Variants in NRL observed in about 807,000 individuals in gnomAD.
The protein encoded by NRL is neural retina leucine zipper, also known as neural retina-specific leucine zipper protein.
Under a neutral mutation model 12.5 loss-of-function variants are expected in NRL, and 16 were observed. The observed-to-expected ratio is 1.28, with a 90% CI of 0.87 to 1.95. The LOEUF (loss-of-function observed/expected upper bound fraction) is 1.95, where lower values mean the gene tolerates loss of function less well. Among genes scored for constraint, NRL ranks in the 30% most tolerant of loss-of-function variants. The pLI is 0.00. For synonymous variants in NRL, 142 were observed against 150.9 expected (o/e 0.94, Z 0.43); for missense variants, 314 against 325.8 (o/e 0.96, Z 0.28).
At chr14:24,104,683 G>A (rs1394129913) in intron 1 of NRL, among the ~76,000 whole-genome samples, 1 of 151,238 alleles carries the variant, frequency 6.6e-6, no homozygotes, top group Non-Finnish European at 1.5e-5. Context: ...AAAAAACTGA[G>A]GGCCTCAGCA....
At chr14:24,098,322 G>A (rs767060186) in intron 1 of NRL, 2 of 1,614,056 alleles carry the variant, frequency 1.2e-6, no homozygotes, top group Non-Finnish European at 1.7e-6. Flanking sequence ...GGGCAGCTGG[G>A]CAACTGGATG....
Position 24,081,366 on chromosome 14 carries a change from G to A in NRL, c.584C>T (p.Ala195Val), listed in dbSNP as rs1481052280. The A allele has an allele frequency of 1.4e-6, 2 of 1,439,590 alleles. No individual in the cohort carries two copies. The highest frequency in any genetic ancestry group is 2.9e-5 in the South Asian group (2 of 68,830). The allele number at this position is 1,439,590 out of a possible 1,614,324, so 89.2% of individuals were successfully genotyped here. Residue 195 changes from alanine (A) to valine (V), a missense_variant, in exon 3 of 3, where the codon GCC becomes GTC. Coordinates refer to ENST00000561028, the MANE Select transcript of NRL (RefSeq NM_001354768.3). This position sits in a 1 kb window ranked among gnomAD's most constrained non-coding sequence, Gnocchi z 4.4. ...GGCCCGCAGCGCGTCCAGCTGGGCG[G>A]CCAGGCGGGCGCGCTCGGCCTCCAG... ...RGLEAERARL[A>V]AQLDALRAEV...
At chr14:24,103,742 T>C in intron 1 of NRL, 2 of 1,614,146 alleles carry the variant, frequency 1.2e-6, no homozygotes, top group Non-Finnish European at 1.7e-6. Context: ...GGGAGGACAG[T>C]GCCCGAGAGA....
chr14:24,099,051 G>GAGCC (rs1468405816), intron 1 of NRL: 10 of 1,598,760 alleles, frequency 6.3e-6, no homozygotes, highest in Non-Finnish European at 6.8e-6. Flanking sequence ...GTCCCCAGGG[G>GAGCC]AGCCAGTGAG....
chr14:24,114,735 T>C lies in NRL; in HGVS notation c.-41A>G. 1.0e-6 allele frequency: 1 copy of C among 986,026 alleles called. No individual in the cohort carries two copies. Among genetic ancestry groups the C allele is most frequent in the Non-Finnish European group, 1.2e-6 (1 of 830,008 alleles). 61.1% of individuals were successfully genotyped at this position (986,026 alleles called of 1,614,324 possible). A position where few individuals can be genotyped will look rare whatever the true frequency, so the allele number is the denominator to read the frequency against. ...TCTCCCGCCTACCTATCAATCATCG[T>C]GCTCCGCTGTCCAGTTGGCTGGCCA... On this transcript the variant is annotated 5_prime_UTR_variant, in exon 1 of 3. Transcript: ENST00000561028.
chr14:24,084,985 C>T (rs1005697406), intron 1 of NRL, among the ~76,000 whole-genome samples: 4 of 152,140 alleles, frequency 2.6e-5, no homozygotes, highest in African/African-American at 9.7e-5. Flanking sequence ...TCCCAGCACC[C>T]CCACCTTCCA....
At chr14:24,082,967 G>A in intron 1 of NRL, 92 bp from the exon 2 acceptor site, 1 of 1,288,142 alleles carries the variant, frequency 7.8e-7, no homozygotes, top group Non-Finnish European at 1.1e-6. Flanking sequence ...CAAGTGCCCT[G>A]GAGCAAGAGT....
At chr14:24,098,743 T>C in intron 1 of NRL, 1 of 1,358,226 alleles carries the variant, frequency 7.4e-7, no homozygotes, top group Non-Finnish European at 1.0e-6. Flanking sequence ...AAATCCCAAA[T>C]CCTACCTCTC....
chr14:24,110,283 AT>A, intron 1 of NRL: 1 of 322,524 alleles, frequency 3.1e-6, no homozygotes, highest in Non-Finnish European at 6.6e-6. Context: ...TTGTTTTTGT[AT>A]TTTTCGTAGA....
chr14:24,079,300 G>C lies in NRL; in HGVS notation c.*1936C>G, dbSNP rs1260560068. The stretch of plus-strand genomic sequence containing the variant: ...TAGTGGGTCTGAATTACAGCTCCAG[G>C]GCAGGCAAGGATAGACACAGGTGAA... On this transcript the variant is annotated 3_prime_UTR_variant, in exon 3 of 3. Coordinates refer to ENST00000561028, the MANE Select transcript of NRL (RefSeq NM_001354768.3). Among the ~76,000 whole-genome samples the C allele has an allele frequency of 6.6e-6, 1 of 152,192 alleles. No individual in the cohort carries two copies. The highest frequency in any genetic ancestry group is 2.4e-5 in the African/African-American group (1 of 41,446).
Position 24,094,587 on chromosome 14 carries a change from C to T in NRL, c.-27-11712G>A, listed in dbSNP as rs1265970571. On this transcript the variant is annotated intron_variant, in intron 1 of 2. Transcript: ENST00000561028. The surrounding 1 kb of genome is among the most constrained non-coding windows in gnomAD (Gnocchi z 4.1). The stretch of plus-strand genomic sequence containing the variant: ...CGACTGCTGTGGGTCCAGCCTCCCG[C>T]GCCGCGCGTCTCTTGGGAGGGCAGC... 2 of 1,451,276 alleles carry T rather than the reference C, an allele frequency of 1.4e-6. No homozygotes were observed. The highest frequency in any genetic ancestry group is 1.8e-6 in the Non-Finnish European group (2 of 1,105,382). 89.9% of individuals were successfully genotyped at this position (1,451,276 alleles called of 1,614,324 possible). A position where few individuals can be genotyped will look rare whatever the true frequency, so the allele number is the denominator to read the frequency against.
chr14:24,108,736 TTACTTAG>T, intron 1 of NRL, among the ~76,000 whole-genome samples: 1 of 152,274 alleles, frequency 6.6e-6, no homozygotes, highest in South Asian at 2.1e-4. Flanking sequence ...CATCCCATAG[TTACTTAG>T]TGGCTTTCTA....
chr14:24,100,518 G>T, intron 1 of NRL: 1 of 875,958 alleles, frequency 1.1e-6, no homozygotes. Flanking sequence ...TGCATAAAAA[G>T]GGTTTATCAC....
At chr14:24,102,826 A>G in intron 1 of NRL, 2 of 1,614,096 alleles carry the variant, frequency 1.2e-6, no homozygotes, top group Non-Finnish European at 1.7e-6. Flanking sequence ...TCATGGACCC[A>G]GCCTGGGAGG....
chr14:24,082,930 T>G, intron 1 of NRL, 55 bp from the exon 2 acceptor site: 1 of 1,508,222 alleles, frequency 6.6e-7, no homozygotes, highest in Non-Finnish European at 8.9e-7. Context: ...CATCCCCTCT[T>G]CACCAAGTCC....
chr14:24,095,718 G>A (rs1034323294), intron 1 of NRL, among the ~76,000 whole-genome samples: 3 of 152,128 alleles, frequency 2.0e-5, no homozygotes, highest in Non-Finnish European at 1.5e-5. Context: ...TTGCTCTCTC[G>A]GGTTTACTCC....
intron 1 of NRL, among the ~76,000 whole-genome samples, chr14:24,107,857 G>A (rs954322845): frequency 2.0e-5 from 3 of 152,130 alleles, no homozygotes; most frequent in South Asian, 2.1e-4. Flanking sequence ...GAAACAGCAG[G>A]ATAACTGCTT....
chr14:24,096,930 C>T (rs61752842), intron 1 of NRL: 1 of 1,613,552 alleles, frequency 6.2e-7, no homozygotes, highest in South Asian at 1.1e-5. Flanking sequence ...GGCTGGCCAT[C>T]ATGCCGTAGC....
rs2036363653 is a variant in NRL at position 24,082,855 on chromosome 14, G to A, written c.-7C>T. 6.2e-7 allele frequency: 1 copy of A among 1,609,984 alleles called. No homozygotes were observed. The highest frequency in any genetic ancestry group is 1.1e-5 in the South Asian group (1 of 90,868). Reference sequence around the variant, plus strand: ...GGCTGGGGGGCAGGGCCATTCTGGAGCTGGGCTGGGAGGAGTGCACCTGCA... The same window carrying A: ...GGCTGGGGGGCAGGGCCATTCTGGAACTGGGCTGGGAGGAGTGCACCTGCA... On this transcript the variant is annotated 5_prime_UTR_variant, in exon 2 of 3. Transcript: ENST00000561028.
Sources: gnomAD v4.1 joint callset for allele counts (sites outside exome capture counted in the v4.1 genomes callset) on GRCh38, gnomAD v4.1.1 for gene constraint, Gnocchi (gnomAD v3.1) non-coding constraint, MANE v1.5 for transcripts, NCBI Gene and HGNC (gene_info 2026-07-23, HGNC 2026-07-21) for gene names.